The following ENOX1 variants were observed in gnomAD, a reference collection of about 807,000 sequenced individuals.
ENOX1 encodes the protein ecto-NOX disulfide-thiol exchanger 1.
In ENOX1, 42 loss-of-function variants were observed where a neutral mutation model predicts 82.5. The observed-to-expected ratio is 0.51, with a 90% CI of 0.40 to 0.66. The LOEUF (loss-of-function observed/expected upper bound fraction) is 0.66, where lower values mean the gene tolerates loss of function less well. Ranked by LOEUF, ENOX1 falls within the 30% of genes least tolerant of loss-of-function variation. The probability of loss-of-function intolerance (pLI) is 0.00; values close to 1 mark genes in which losing one functional copy is unlikely to be tolerated. For missense variants in ENOX1, 608 were observed against 811.6 expected, an observed-to-expected ratio of 0.75 and a Z score of 3.05; for synonymous variants, 271 against 282.2, an observed-to-expected ratio of 0.96 and a Z score of 0.40.
intron 14 of ENOX1, among the ~76,000 whole-genome samples, chr13:43,247,872 TATA>T (rs2043207316): frequency 2.4e-3 from 6 of 2,520 alleles, no homozygotes; most frequent in Non-Finnish European, 4.0e-3. Flanking sequence ...TATATATATA[TATA>T]TATATATATT....
intron 16 of ENOX1, among the ~76,000 whole-genome samples, chr13:43,215,913 T>C (rs1422303042): frequency 6.6e-6 from 1 of 152,202 alleles, no homozygotes; most frequent in Non-Finnish European, 1.5e-5. Context: ...AATGGGGACT[T>C]AGGCCGGGCG....
At chr13:43,323,962 A>G (rs1466674521) in intron 10 of ENOX1, among the ~76,000 whole-genome samples, 1 of 152,230 alleles carries the variant, frequency 6.6e-6, no homozygotes, top group African/African-American at 2.4e-5. Context: ...AAGACAGGGA[A>G]GGGAGAAAGC....
At chr13:43,669,373 A>G (rs1326367963) in intron 1 of ENOX1, among the ~76,000 whole-genome samples, 1 of 151,686 alleles carries the variant, frequency 6.6e-6, no homozygotes, top group Non-Finnish European at 1.5e-5. Context: ...CTTCCCCCTC[A>G]CTTATTCTTG....
intron 2 of ENOX1, among the ~76,000 whole-genome samples, chr13:43,567,886 T>C (rs4941462): frequency 0.57 from 87,319 of 152,044 alleles, 25,328 homozygotes; most frequent in Non-Finnish European, 0.61. Flanking sequence ...GGTTTCTTGT[T>C]TACAATAAAT....
intron 2 of ENOX1, among the ~76,000 whole-genome samples, chr13:43,617,656 G>T (rs562802908): frequency 5.3e-5 from 8 of 152,108 alleles, no homozygotes; most frequent in African/African-American, 1.9e-4. Flanking sequence ...CCACAATTTC[G>T]CAATTGTGAA....
chr13:43,535,138 C>G lies in ENOX1; in HGVS notation c.-218-50986G>C, dbSNP rs567447186. 2.0e-5 allele frequency among the ~76,000 whole-genome samples: 3 copies of G among 152,278 alleles called. No individual in the cohort carries two copies. The East Asian group carries it at 5.8e-4, about 29-fold the overall frequency. Reference sequence around the variant, plus strand: ...CACAATTGTCATAGAGATTACACTACAGAGTACATATAAAGTGCTTAGTGA... The same window carrying G: ...CACAATTGTCATAGAGATTACACTAGAGAGTACATATAAAGTGCTTAGTGA... On this transcript the variant is annotated intron_variant, in intron 2 of 16. Coordinates refer to ENST00000690772, the MANE Select transcript of ENOX1 (RefSeq NM_001347969.2).
At chr13:43,567,022 AATG>A (rs2079949792) in intron 2 of ENOX1, among the ~76,000 whole-genome samples, 1 of 152,136 alleles carries the variant, frequency 6.6e-6, no homozygotes, top group Non-Finnish European at 1.5e-5. Context: ...GCCAACAGAA[AATG>A]TTATTCCATC....
At chr13:43,693,003 C>CA (rs1375337820) in intron 1 of ENOX1, among the ~76,000 whole-genome samples, 2 of 151,668 alleles carry the variant, frequency 1.3e-5, no homozygotes, top group African/African-American at 4.8e-5. Flanking sequence ...CGCATATTTA[C>CA]AAAAAAAGCT....
In ENOX1 at chr13:43,214,038, C is replaced by T; in HGVS notation, c.1884G>A (p.Leu628=). The change falls in exon 17 of 17, where the codon CTG becomes CTA. Residue 628 remains leucine, a synonymous_variant. Coordinates refer to ENST00000690772, the MANE Select transcript of ENOX1 (RefSeq NM_001347969.2). ...KQEFTGVGAT[L]EKRWKLCAFE... is the part of the protein sequence containing the mutation. ...AGGCACACAGCTTCCATCTTTTTTC[C>T]AGCGTGGCTCCCACACCCGTGAATT... 1 of 1,613,472 alleles carries T rather than the reference C, an allele frequency of 6.2e-7. No homozygotes were observed. The highest frequency in any genetic ancestry group is 8.5e-7 in the Non-Finnish European group (1 of 1,179,664).
chr13:43,759,972 G>A (rs918292403), intron 1 of ENOX1, among the ~76,000 whole-genome samples: 1 of 152,200 alleles, frequency 6.6e-6, no homozygotes, highest in African/African-American at 2.4e-5. Flanking sequence ...TCTATCAAGA[G>A]AAGAAAATAA....
intron 1 of ENOX1, among the ~76,000 whole-genome samples, chr13:43,754,234 CAT>C (rs1370986535): frequency 2.7e-5 from 4 of 146,320 alleles, no homozygotes; most frequent in Admixed American, 6.8e-5. Context: ...CATGTGTATA[CAT>C]ATGTATATAT....
chr13:43,267,950 C>CT (rs887686890), intron 13 of ENOX1, among the ~76,000 whole-genome samples: 22 of 151,938 alleles, frequency 1.4e-4, no homozygotes, highest in East Asian at 3.9e-4. Context: ...TTCACGTTCT[C>CT]TTTTTTTTAA....
chr13:43,601,196 C>G (rs2081702479), intron 2 of ENOX1, among the ~76,000 whole-genome samples: 1 of 151,996 alleles, frequency 6.6e-6, no homozygotes. Flanking sequence ...AATAAGGCAC[C>G]AGGGTTATAT....
At chr13:43,570,104 G>A (rs980500030) in intron 2 of ENOX1, among the ~76,000 whole-genome samples, 1 of 152,134 alleles carries the variant, frequency 6.6e-6, no homozygotes, top group Non-Finnish European at 1.5e-5. Flanking sequence ...TTCCATTAGG[G>A]AGAAAAAGGG....
chr13:43,603,077 A>G (rs1235592141), intron 2 of ENOX1, among the ~76,000 whole-genome samples: 1 of 152,148 alleles, frequency 6.6e-6, no homozygotes, highest in Non-Finnish European at 1.5e-5. Flanking sequence ...TATAATGAAG[A>G]TGATGGAAAT....
intron 2 of ENOX1, among the ~76,000 whole-genome samples, chr13:43,534,573 G>T (rs1401566709): frequency 1.3e-5 from 2 of 152,138 alleles, no homozygotes; most frequent in East Asian, 3.8e-4. Context: ...GGTCTTCTAG[G>T]GATTGTGGAA....
At chr13:43,744,432 T>C (rs1949913225) in intron 1 of ENOX1, among the ~76,000 whole-genome samples, 1 of 152,136 alleles carries the variant, frequency 6.6e-6, no homozygotes, top group African/African-American at 2.4e-5. Flanking sequence ...TAGGATACCA[T>C]GCCAAGGATC....
Position 43,737,643 on chromosome 13 carries a change from T to G in ENOX1, c.-285+49009A>C, listed in dbSNP as rs577956048. On this transcript the variant is annotated intron_variant, in intron 1 of 16. Coordinates refer to ENST00000690772, the MANE Select transcript of ENOX1 (RefSeq NM_001347969.2). The stretch of plus-strand genomic sequence containing the variant: ...ATTCAACATATTTATAAACCATGAG[T>G]GAAAAGCTGAATAATATATTCACAA... Among the ~76,000 whole-genome samples, 7 of 152,228 alleles carry G rather than the reference T, an allele frequency of 4.6e-5. No individual in the cohort carries two copies. In the East Asian group the frequency reaches 1.2e-3, roughly 25 times the overall value.
intron 3 of ENOX1, among the ~76,000 whole-genome samples, chr13:43,475,557 CTTA>C (rs2058243013): frequency 6.6e-6 from 1 of 152,028 alleles, no homozygotes; most frequent in East Asian, 1.9e-4. Flanking sequence ...GTTCTCAATA[CTTA>C]TTAATTAATC....
Sources: gnomAD v4.1 joint callset for allele counts (sites outside exome capture counted in the v4.1 genomes callset) on GRCh38, gnomAD v4.1.1 for gene constraint, MANE v1.5 for transcripts, NCBI Gene and HGNC (gene_info 2026-07-23, HGNC 2026-07-21) for gene names.